MMP20: variants seen among roughly 807,000 people sequenced by gnomAD.
MMP20 encodes the protein matrix metalloproteinase-20.
MMP20 carries 50 observed loss-of-function variants against 51.8 expected under a neutral mutation model. The observed-to-expected ratio is 0.97, with a 90% CI of 0.77 to 1.22. The LOEUF (loss-of-function observed/expected upper bound fraction) is 1.22, where lower values mean the gene tolerates loss of function less well. MMP20 is among the 50% of genes most tolerant of loss of function. MMP20 has a pLI of 0.00. For missense variants in MMP20, 663 were observed against 601.4 expected, an observed-to-expected ratio of 1.10 and a Z score of -1.07; for synonymous variants, 244 against 216.2, an observed-to-expected ratio of 1.13 and a Z score of -1.13.
chr11:102,612,203 G>A (rs1007064552), intron 2 of MMP20, among the ~76,000 whole-genome samples: 3 of 152,160 alleles, frequency 2.0e-5, no homozygotes, highest in African/African-American at 7.2e-5. Flanking sequence ...AGTGGCTCAC[G>A]CCTGTAATCC....
At chr11:102,602,995 A>G (rs1034802149) in intron 6 of MMP20, among the ~76,000 whole-genome samples, 1 of 152,202 alleles carries the variant, frequency 6.6e-6, no homozygotes, top group African/African-American at 2.4e-5. Context: ...ATATCTAGCT[A>G]TATATATGCC....
At chr11:102,623,019 G>C (rs953911291) in intron 1 of MMP20, among the ~76,000 whole-genome samples, 7 of 152,220 alleles carry the variant, frequency 4.6e-5, no homozygotes, top group African/African-American at 1.7e-4. Context: ...TGCAAGCAAA[G>C]GTGCTGTGTG....
chr11:102,609,483 G>A lies in MMP20; in HGVS notation c.650-385C>T, dbSNP rs188031666. Among the ~76,000 whole-genome samples, 19 of 152,232 alleles carry A rather than the reference G, an allele frequency of 1.2e-4. No individual in the cohort carries two copies. The East Asian group carries it at 2.3e-3, about 19-fold the overall frequency. On this transcript the variant is annotated intron_variant, in intron 4 of 9. Coordinates refer to ENST00000260228, the MANE Select transcript of MMP20 (RefSeq NM_004771.4). ...ACAGCCTACACCTTTTGATCCACACGTTTCACACTGAAGATTTCCAGATGA... is the reference window on the plus strand; with the variant it reads ...ACAGCCTACACCTTTTGATCCACACATTTCACACTGAAGATTTCCAGATGA...
chr11:102,588,992 T>C (rs1859283893), intron 8 of MMP20, among the ~76,000 whole-genome samples: 1 of 152,202 alleles, frequency 6.6e-6, no homozygotes, highest in Admixed American at 6.5e-5. Flanking sequence ...GGAGTGTTAT[T>C]TTTATAACAT....
chr11:102,611,866 C>G lies in MMP20; in HGVS notation c.412G>C (p.Val138Leu). ...KYTPSMSSVE[V>L]DKAVEMALQA... ...AAGGCCATCTCCACTGCTTTGTCCA[C>G]CTCGACAGAACTCATGGAAGGTGTG... Residue 138 changes from valine (V) to leucine (L), a missense_variant, in exon 3 of 10, where the codon GTG becomes CTG. By Grantham distance (32) the Val-to-Leu change is conservative. Transcript: ENST00000260228. 1.2e-6 allele frequency: 2 copies of G among 1,614,190 alleles called. No homozygotes were observed. The highest frequency in any genetic ancestry group is 1.7e-6 in the Non-Finnish European group (2 of 1,180,016).
intron 6 of MMP20, among the ~76,000 whole-genome samples, chr11:102,603,009 C>T (rs1046844856): frequency 6.6e-6 from 1 of 152,170 alleles, no homozygotes; most frequent in African/African-American, 2.4e-5. Context: ...ATATGCCTCT[C>T]AACTTATTAT....
chr11:102,592,412 A>G (rs190913863), intron 8 of MMP20, among the ~76,000 whole-genome samples: 2 of 152,364 alleles, frequency 1.3e-5, no homozygotes, highest in East Asian at 3.9e-4. Context: ...TCTTTATAAA[A>G]GAAATTTGCT....
chr11:102,598,971 ATCT>A (rs996281917), intron 6 of MMP20, among the ~76,000 whole-genome samples: 2 of 150,260 alleles, frequency 1.3e-5, no homozygotes, highest in South Asian at 2.1e-4. Flanking sequence ...GATCTCTGTC[ATCT>A]TCTTTCCTAT....
intron 8 of MMP20, among the ~76,000 whole-genome samples, chr11:102,584,568 C>CT (rs1335682041): frequency 2.0e-5 from 3 of 152,120 alleles, no homozygotes; most frequent in Non-Finnish European, 4.4e-5. Flanking sequence ...TTCCCATTCC[C>CT]TGGGTTGTCT....
At chr11:102,610,407 C>T (rs1466172523) in intron 3 of MMP20, among the ~76,000 whole-genome samples, 2 of 152,078 alleles carry the variant, frequency 1.3e-5, no homozygotes, top group African/African-American at 4.8e-5. Flanking sequence ...AAAACCTACC[C>T]CACTGATTGG....
chr11:102,600,349 A>G (rs1361670219), intron 6 of MMP20, among the ~76,000 whole-genome samples: 1 of 152,164 alleles, frequency 6.6e-6, no homozygotes, highest in Non-Finnish European at 1.5e-5. Context: ...TCAAACATGA[A>G]CAGTTCCCTC....
At chr11:102,586,088 T>A (rs895150161) in intron 8 of MMP20, among the ~76,000 whole-genome samples, 5 of 152,188 alleles carry the variant, frequency 3.3e-5, no homozygotes, top group Non-Finnish European at 7.4e-5. Context: ...TGTGTGGTTT[T>A]GGTATAAGGA....
intron 1 of MMP20, among the ~76,000 whole-genome samples, chr11:102,624,204 G>C (rs1352383837): frequency 2.6e-5 from 4 of 152,236 alleles, no homozygotes; most frequent in African/African-American, 9.6e-5. Context: ...CAGCCTGGCA[G>C]TCAGGAAAGC....
At chr11:102,619,748 T>G (rs891146645) in intron 1 of MMP20, among the ~76,000 whole-genome samples, 6 of 152,084 alleles carry the variant, frequency 3.9e-5, no homozygotes, top group Non-Finnish European at 7.4e-5. Flanking sequence ...GGATTTAAGA[T>G]GATGTATTTT....
chr11:102,580,224 A>T (rs182976491), intron 8 of MMP20, among the ~76,000 whole-genome samples: 1 of 152,354 alleles, frequency 6.6e-6, no homozygotes, highest in African/African-American at 2.4e-5. Context: ...ACTCATTGTT[A>T]AAAAAGACTG....
intron 6 of MMP20, among the ~76,000 whole-genome samples, chr11:102,603,047 A>G (rs1447771284): frequency 6.6e-6 from 1 of 152,358 alleles, no homozygotes; most frequent in East Asian, 1.9e-4. Flanking sequence ...CTTCACACAG[A>G]ACATTTGAAT....
intron 8 of MMP20, among the ~76,000 whole-genome samples, chr11:102,585,962 G>T (rs1859249884): frequency 6.6e-6 from 1 of 152,038 alleles, no homozygotes; most frequent in African/African-American, 2.4e-5. Flanking sequence ...ACTTGGTCTT[G>T]GTGTATAATT....
intron 1 of MMP20, among the ~76,000 whole-genome samples, chr11:102,622,866 G>A (rs1206660562): frequency 6.6e-6 from 1 of 152,190 alleles, no homozygotes; most frequent in African/African-American, 2.4e-5. Context: ...AGGCTGATGA[G>A]GTTGTTATAT....
rs17174284 is a variant in MMP20 at position 102,577,436 on chromosome 11, A to G, written c.1352-10T>C. 2.5e-6 allele frequency: 4 copies of G among 1,591,744 alleles called. No individual in the cohort carries two copies. The highest frequency in any genetic ancestry group is 2.7e-5 in the African/African-American group (2 of 74,500). ...AAGAAGTAAATGTAGCCTAAAAGAG[A>G]CAAAGTTGAAATTGGGTTACTGAAG... On this transcript the variant is annotated splice_polypyrimidine_tract_variant and intron_variant, in intron 9 of 9. Coordinates refer to ENST00000260228, the MANE Select transcript of MMP20 (RefSeq NM_004771.4).
Sources: allele counts gnomAD v4.1 joint callset (sites outside exome capture counted in the v4.1 genomes callset), GRCh38; gene constraint gnomAD v4.1.1; transcripts MANE v1.5; gene names NCBI Gene and HGNC (gene_info 2026-07-23, HGNC 2026-07-21).